The following DAB1 variants were observed in gnomAD, a reference collection of about 807,000 sequenced individuals.
DAB1 encodes the protein disabled homolog 1.
In DAB1, 15 loss-of-function variants were observed where a neutral mutation model predicts 64.6. The observed-to-expected ratio is 0.23, with a 90% CI of 0.16 to 0.36. The LOEUF (loss-of-function observed/expected upper bound fraction) is 0.36. Among genes scored for constraint, DAB1 ranks in the 10% least tolerant of loss-of-function variants. The pLI, the probability that DAB1 is intolerant of heterozygous loss-of-function variation, is 1.00. For missense variants in DAB1, 596 were observed against 706.7 expected, an observed-to-expected ratio of 0.84 and a Z score of 1.78; for synonymous variants, 235 against 251.9, an observed-to-expected ratio of 0.93 and a Z score of 0.64.
intron 4 of DAB1, among the ~76,000 whole-genome samples, chr1:58,340,192 G>A (rs1201152252): frequency 6.6e-6 from 1 of 152,126 alleles, no homozygotes; most frequent in Non-Finnish European, 1.5e-5. Flanking sequence ...TTAACAGAAA[G>A]GATTTCCCAA....
At chr1:57,983,436 G>A (rs1646115373) in intron 5 of DAB1, among the ~76,000 whole-genome samples, 1 of 152,116 alleles carries the variant, frequency 6.6e-6, no homozygotes, top group Non-Finnish European at 1.5e-5. Flanking sequence ...GGAATCCCAG[G>A]CGGCCAATGA....
At chr1:57,438,641 G>C (rs1685788872) in intron 7 of DAB1, among the ~76,000 whole-genome samples, 2 of 152,130 alleles carry the variant, frequency 1.3e-5, no homozygotes, top group East Asian at 3.9e-4. Flanking sequence ...CAGGGTCACA[G>C]CCCATGACAT....
At chr1:57,844,109 A>T (rs2101919235) in intron 1 of DAB1, among the ~76,000 whole-genome samples, 1 of 152,082 alleles carries the variant, frequency 6.6e-6, no homozygotes, top group East Asian at 1.9e-4. Context: ...CCACAGTAAA[A>T]CTCCTCATCC....
intron 3 of DAB1, among the ~76,000 whole-genome samples, chr1:58,485,466 A>G (rs891954312): frequency 6.6e-6 from 1 of 151,910 alleles, no homozygotes; most frequent in African/African-American, 2.4e-5. Context: ...TTCTATCACT[A>G]CTTCTTCATG....
intron 6 of DAB1, among the ~76,000 whole-genome samples, chr1:57,727,476 A>G (rs1351054018): frequency 6.6e-6 from 1 of 152,194 alleles, no homozygotes; most frequent in Non-Finnish European, 1.5e-5. Flanking sequence ...GCACATCTGT[A>G]ATCCGCTGCA....
chr1:58,391,501 C>T (rs1644475712), intron 3 of DAB1, among the ~76,000 whole-genome samples: 1 of 152,204 alleles, frequency 6.6e-6, no homozygotes, highest in African/African-American at 2.4e-5. Context: ...AGGGGTAAAG[C>T]CAGGACTTGA....
At chr1:57,043,733 G>A (rs1648098549) in intron 9 of DAB1, among the ~76,000 whole-genome samples, 1 of 152,064 alleles carries the variant, frequency 6.6e-6, no homozygotes, top group Non-Finnish European at 1.5e-5. Context: ...TGTAGTCCCA[G>A]CTACTCAGGA....
At chr1:57,737,961 G>A (rs1225060432) in intron 6 of DAB1, among the ~76,000 whole-genome samples, 1 of 152,196 alleles carries the variant, frequency 6.6e-6, no homozygotes, top group African/African-American at 2.4e-5. Context: ...TGAAAGTCCT[G>A]CTCAATCCAA....
At chr1:57,289,160 A>C (rs1672568994) in intron 2 of DAB1, among the ~76,000 whole-genome samples, 1 of 152,182 alleles carries the variant, frequency 6.6e-6, no homozygotes, top group Admixed American at 6.5e-5. Flanking sequence ...TCATGCTCTC[A>C]TCCCAAATCC....
chr1:57,151,901 C>T (rs1413861789), intron 2 of DAB1, among the ~76,000 whole-genome samples: 1 of 150,472 alleles, frequency 6.6e-6, no homozygotes, highest in Non-Finnish European at 1.5e-5. Context: ...GCAACCTCCA[C>T]CTCCCAGGTT....
chr1:57,812,343 G>GAAAGA (rs1651668326), intron 6 of DAB1, among the ~76,000 whole-genome samples: 2 of 143,676 alleles, frequency 1.4e-5, no homozygotes, highest in African/African-American at 5.1e-5. Context: ...AAAAAAGAAA[G>GAAAGA]AAAGAAAGAA....
intron 2 of DAB1, among the ~76,000 whole-genome samples, chr1:57,246,773 G>A (rs534454243): frequency 2.0e-5 from 3 of 152,340 alleles, no homozygotes; most frequent in African/African-American, 7.2e-5. Context: ...CAAGGCCATA[G>A]GAGCCCACTC....
At chr1:57,130,356 C>T (rs1400960317) in intron 4 of DAB1, among the ~76,000 whole-genome samples, 1 of 152,086 alleles carries the variant, frequency 6.6e-6, no homozygotes, top group Non-Finnish European at 1.5e-5. Flanking sequence ...GATACATACA[C>T]ATTAAGAAAA....
At position 57,296,445 on chromosome 1, in the gene DAB1, G is replaced by A. The variant is rs190396977; in HGVS notation, c.-136-5279C>T. On this transcript the variant is annotated intron_variant, in intron 1 of 14. Transcript: ENST00000371236. ...TTTCTGTTATCATTTTTCAGCAAAAGAAACCAAGGTTTCTTGGGGGAAATG... is the reference window on the plus strand; with the variant it reads ...TTTCTGTTATCATTTTTCAGCAAAAAAAACCAAGGTTTCTTGGGGGAAATG... Among the ~76,000 whole-genome samples, 1,394 of 152,150 alleles carry A rather than the reference G, an allele frequency of 9.2e-3. 48 individuals carry two copies. Among genetic ancestry groups the A allele is most frequent in the Admixed American group, 0.068 (1,039 of 15,278 alleles).
At chr1:57,487,235 AC>A (rs1257777410) in intron 7 of DAB1, among the ~76,000 whole-genome samples, 5 of 152,180 alleles carry the variant, frequency 3.3e-5, no homozygotes, top group Non-Finnish European at 5.9e-5. Context: ...CCTGAGTGAT[AC>A]CCACTGGAGG....
At chr1:57,562,786 G>A (rs187039503) in intron 7 of DAB1, among the ~76,000 whole-genome samples, 70 of 152,240 alleles carry the variant, frequency 4.6e-4, no homozygotes, top group East Asian at 3.9e-4. Flanking sequence ...CAGGAGACAC[G>A]ACAACGATTC....
chr1:57,270,169 G>T (rs1435604941), intron 2 of DAB1, among the ~76,000 whole-genome samples: 1 of 152,130 alleles, frequency 6.6e-6, no homozygotes, highest in Non-Finnish European at 1.5e-5. Flanking sequence ...GAGATGCGTG[G>T]TTACTGTCTG....
intron 1 of DAB1, among the ~76,000 whole-genome samples, chr1:57,384,256 T>C (rs773316064): frequency 3.3e-5 from 5 of 152,058 alleles, no homozygotes; most frequent in Non-Finnish European, 7.4e-5. Flanking sequence ...TAACAGCAAA[T>C]AACAAGTGTT....
chr1:58,452,399 A>T (rs977244952), intron 3 of DAB1, among the ~76,000 whole-genome samples: 4 of 147,948 alleles, frequency 2.7e-5, no homozygotes, highest in African/African-American at 7.4e-5. Context: ...GAAAATGGCT[A>T]AAAAAAAAAG....
Sources: allele counts gnomAD v4.1 joint callset (sites outside exome capture counted in the v4.1 genomes callset), GRCh38; gene constraint gnomAD v4.1.1; transcripts MANE v1.5; gene names NCBI Gene and HGNC (gene_info 2026-07-23, HGNC 2026-07-21).